The following TAFA1 variants were observed in gnomAD, a reference collection of about 807,000 sequenced individuals.
TAFA1 encodes chemokine-like protein TAFA-1.
Under a neutral mutation model 18.5 loss-of-function variants are expected in TAFA1, and 4 were observed. The ratio of observed to expected loss-of-function variants is 0.22; its 90% CI spans 0.11 to 0.49. The LOEUF (loss-of-function observed/expected upper bound fraction) is 0.49. Among genes scored for constraint, TAFA1 ranks in the 20% least tolerant of loss-of-function variants. The pLI is 0.98. For missense variants in TAFA1, 147 were observed against 169.0 expected (o/e 0.87, Z 0.72); for synonymous variants, 56 against 55.2 (o/e 1.01, Z -0.06).
chr3:68,469,737 T>G (rs1479444678), intron 3 of TAFA1, among the ~76,000 whole-genome samples: 1 of 152,194 alleles, frequency 6.6e-6, no homozygotes, highest in Non-Finnish European at 1.5e-5. Flanking sequence ...ACTGGCCTAC[T>G]GGGTCAGACC....
intron 3 of TAFA1, among the ~76,000 whole-genome samples, chr3:68,496,476 G>A (rs907193606): frequency 1.3e-5 from 2 of 152,234 alleles, no homozygotes; most frequent in South Asian, 2.1e-4. Context: ...GAGATGTTAC[G>A]TGTAGGTTCT....
At chr3:68,243,320 A>G (rs1399530895) in intron 2 of TAFA1, among the ~76,000 whole-genome samples, 1 of 151,984 alleles carries the variant, frequency 6.6e-6, no homozygotes, top group Non-Finnish European at 1.5e-5. Context: ...AGTTTTTACC[A>G]GTTATACCTG....
intron 2 of TAFA1, among the ~76,000 whole-genome samples, chr3:68,343,409 G>T (rs974359392): frequency 6.6e-6 from 1 of 152,082 alleles, no homozygotes; most frequent in Non-Finnish European, 1.5e-5. Flanking sequence ...AGACATACTG[G>T]TCTCTGTGCT....
chr3:68,145,558 T>G (rs2065728821), intron 2 of TAFA1: 1 of 1,445,542 alleles, frequency 6.9e-7, no homozygotes, highest in African/African-American at 1.4e-5. Flanking sequence ...TATCAGAGCC[T>G]GCTCCACTTC....
chr3:68,082,899 T>G lies in TAFA1; in HGVS notation c.118+76155T>G, dbSNP rs931127700. ...CATTACTAATTATGCTATTTGACAT[T>G]GAGAAAGTCATTGCCTTCTTGGTTT... On this transcript the variant is annotated intron_variant, in intron 2 of 4. Coordinates refer to ENST00000478136, the MANE Select transcript of TAFA1 (RefSeq NM_213609.4). 4.6e-5 allele frequency among the ~76,000 whole-genome samples: 7 copies of G among 152,214 alleles called. No individual in the cohort carries two copies. In the South Asian group the frequency reaches 1.5e-3, roughly 32 times the overall value.
intron 2 of TAFA1, among the ~76,000 whole-genome samples, chr3:68,381,012 T>C (rs1203386026): frequency 6.9e-6 from 1 of 144,110 alleles, no homozygotes; most frequent in East Asian, 2.1e-4. Flanking sequence ...CCCAGCACCA[T>C]TTATTAAATA....
intron 2 of TAFA1, among the ~76,000 whole-genome samples, chr3:68,180,049 A>T (rs1291669404): frequency 5.6e-5 from 2 of 36,002 alleles, no homozygotes; most frequent in Non-Finnish European, 1.2e-4. Context: ...ATTATTTGAG[A>T]GGGAGTCTTA....
chr3:68,404,629 T>C (rs1376212068), intron 2 of TAFA1, among the ~76,000 whole-genome samples: 1 of 151,980 alleles, frequency 6.6e-6, no homozygotes, highest in East Asian at 1.9e-4. Context: ...AAATCCCGTC[T>C]CTACTAAAAA....
Position 68,391,570 on chromosome 3 carries a change from TG to T in TAFA1, c.119-25708del, listed in dbSNP as rs771999588. On this transcript the variant is annotated intron_variant, in intron 2 of 4. Transcript: ENST00000478136. ...AGACACATAATCGTCAGATTCACCA[TG>T]GTTGAAATGAAGGAAAAAATGTTAA... 8.5e-5 allele frequency among the ~76,000 whole-genome samples: 13 copies of T among 152,190 alleles called. No individual in the cohort carries two copies. The South Asian group carries it at 1.2e-3, about 15-fold the overall frequency.
At chr3:68,280,079 A>G (rs1286464148) in intron 2 of TAFA1, among the ~76,000 whole-genome samples, 3 of 151,824 alleles carry the variant, frequency 2.0e-5, no homozygotes, top group Admixed American at 1.3e-4. Context: ...AGTGTAGGTC[A>G]TATATTTACT....
intron 2 of TAFA1, among the ~76,000 whole-genome samples, chr3:68,302,539 A>G (rs146343428): frequency 1.3e-5 from 2 of 152,046 alleles, no homozygotes; most frequent in South Asian, 2.1e-4. Context: ...TTTCTTGTTA[A>G]TCTTTCTTTT....
chr3:68,334,753 G>A (rs942117604), intron 2 of TAFA1, among the ~76,000 whole-genome samples: 27 of 152,130 alleles, frequency 1.8e-4, no homozygotes, highest in Non-Finnish European at 2.9e-4. Context: ...TCTGAGGCAA[G>A]TCATTGAGAC....
chr3:68,394,105 T>C (rs1448170163), intron 2 of TAFA1, among the ~76,000 whole-genome samples: 1 of 152,116 alleles, frequency 6.6e-6, no homozygotes, highest in African/African-American at 2.4e-5. Context: ...TTCAGCAAAG[T>C]CTCAGGATAC....
chr3:68,331,964 C>T (rs1184467318), intron 2 of TAFA1, among the ~76,000 whole-genome samples: 4 of 140,700 alleles, frequency 2.8e-5, no homozygotes, highest in Admixed American at 7.7e-5. Context: ...CCCGGGTTCA[C>T]GCCATTCTCC....
At chr3:68,139,870 G>A (rs573014327) in intron 2 of TAFA1, among the ~76,000 whole-genome samples, 1 of 152,288 alleles carries the variant, frequency 6.6e-6, no homozygotes, top group East Asian at 1.9e-4. Context: ...ATTATTGGCT[G>A]GCTCTATGGC....
chr3:68,093,728 T>A (rs1180996816), intron 2 of TAFA1, among the ~76,000 whole-genome samples: 1 of 151,402 alleles, frequency 6.6e-6, no homozygotes, highest in Non-Finnish European at 1.5e-5. Context: ...TCAATATATC[T>A]TGTGTTTTTA....
intron 3 of TAFA1, among the ~76,000 whole-genome samples, chr3:68,525,013 C>G (rs1478975594): frequency 6.6e-6 from 1 of 152,078 alleles, no homozygotes; most frequent in Admixed American, 6.6e-5. Context: ...GTGTTCCACT[C>G]GACTTTCAAT....
chr3:68,117,228 G>A (rs1235343007), intron 2 of TAFA1, among the ~76,000 whole-genome samples: 3 of 152,114 alleles, frequency 2.0e-5, no homozygotes, highest in Non-Finnish European at 4.4e-5. Flanking sequence ...CCAGTCTGGG[G>A]TTTTGGTTAT....
At chr3:68,147,508 T>C (rs2106914605) in intron 2 of TAFA1, among the ~76,000 whole-genome samples, 1 of 152,224 alleles carries the variant, frequency 6.6e-6, no homozygotes, top group South Asian at 2.1e-4. Flanking sequence ...ACTTAATATG[T>C]TAAGCTCGCT....
Sources: gnomAD v4.1 joint callset for allele counts (sites outside exome capture counted in the v4.1 genomes callset) on GRCh38, gnomAD v4.1.1 for gene constraint, MANE v1.5 for transcripts, NCBI Gene and HGNC (gene_info 2026-07-23, HGNC 2026-07-21) for gene names.